The following ZNF444 variants were observed in gnomAD, a reference collection of about 807,000 sequenced individuals.
The protein encoded by ZNF444 is zinc finger protein 444.
ZNF444 carries 8 observed loss-of-function variants against 14.4 expected under a neutral mutation model. That is an observed-to-expected ratio of 0.56 (90% CI 0.33 to 1.00). The LOEUF is 1.00. Ranked by LOEUF, ZNF444 falls within the 50% of genes least tolerant of loss-of-function variation. The pLI, the probability that ZNF444 is intolerant of heterozygous loss-of-function variation, is 0.03. For synonymous variants in ZNF444, 258 were observed against 235.9 expected (o/e 1.09, Z -0.86); for missense variants, 510 against 504.8 (o/e 1.01, Z -0.10).
chr19:56,158,554 G>T lies in ZNF444; in HGVS notation c.358G>T (p.Gly120Cys). 6.2e-7 allele frequency: 1 copy of T among 1,611,952 alleles called. No individual in the cohort carries two copies. Among genetic ancestry groups the T allele is most frequent in the Non-Finnish European group, 8.5e-7 (1 of 1,179,000 alleles). Residue 120 changes from glycine to cysteine, a missense_variant, in exon 4 of 5, where the codon GGC becomes TGC. By Grantham distance (159) the Gly-to-Cys change is radical (BLOSUM62 -3). Coordinates refer to ENST00000337080, the MANE Select transcript of ZNF444 (RefSeq NM_018337.4). ...GAGGGTGCCTCAGGATGTGACGCAG[G>T]GCCCTGGGGCCACAGGTGGAAAGGA... The part of the protein sequence containing the change: ...ATRVPQDVTQ[G>C]PGATGGKEDS...
upstream of ZNF444, among the ~76,000 whole-genome samples, chr19:56,137,993 G>A (rs1013964857): frequency 6.6e-6 from 1 of 151,846 alleles, no homozygotes; most frequent in Non-Finnish European, 1.5e-5. Flanking sequence ...GTGTGGTGGC[G>A]GGCGCCTGTA....
chr19:56,140,879 T>A (rs1056268040), upstream of ZNF444: 4 of 152,148 alleles, frequency 2.6e-5, no homozygotes, highest in Admixed American at 2.0e-4. Context: ...CTCCTCCTCC[T>A]CCTCCCTCTT....
At chr19:56,133,681 C>T (rs1353705143) in intron 1 of ZNF444, among the ~76,000 whole-genome samples, 1 of 151,396 alleles carries the variant, frequency 6.6e-6, no homozygotes, top group Non-Finnish European at 1.5e-5. Context: ...GGCGTGGTGG[C>T]GGGCACCTGT....
At chr19:56,146,498 CG>C (rs1568552232) in intron 2 of ZNF444, 78 bp downstream of exon 2, 3 of 160,724 alleles carry the variant, frequency 1.9e-5, no homozygotes, top group South Asian at 3.9e-4. Context: ...CTCAGAAGCG[CG>C]GGTCCCAGGC....
intron 2 of ZNF444, 128 bp from the exon 3 acceptor site, chr19:56,146,762 G>C (rs980923208): frequency 2.6e-6 from 2 of 767,180 alleles, no homozygotes; most frequent in South Asian, 9.4e-5. Context: ...ACTCCAACCT[G>C]GGGGAAAGAG....
chr19:56,145,766 G>A lies in ZNF444; in HGVS notation c.-196-481G>A, dbSNP rs2031142793. Among the ~76,000 whole-genome samples, 1 of 152,180 alleles carries A rather than the reference G, an allele frequency of 6.6e-6. No homozygotes were observed. The highest frequency in any genetic ancestry group is 1.5e-5 in the Non-Finnish European group (1 of 68,032). On this transcript the variant is annotated intron_variant, in intron 1 of 4. Coordinates refer to ENST00000337080, the MANE Select transcript of ZNF444 (RefSeq NM_018337.4). This position sits in a 1 kb window ranked among gnomAD's most constrained non-coding sequence, Gnocchi z 4.3. ...GAAGGGACTGGGACAGGCCGTCATAGCTGTCATAGCGGAGCACCGTGGACT... is the reference window on the plus strand; with the variant it reads ...GAAGGGACTGGGACAGGCCGTCATAACTGTCATAGCGGAGCACCGTGGACT...
At chr19:56,140,613 G>A (rs1281217342), upstream of ZNF444, among the ~76,000 whole-genome samples, 1 of 152,160 alleles carries the variant, frequency 6.6e-6, no homozygotes, top group Non-Finnish European at 1.5e-5. Flanking sequence ...GGAACAGGAG[G>A]GCAGCCTGCT....
chr19:56,147,024 T>A lies in ZNF444; in HGVS notation c.113T>A (p.Leu38Gln). The A allele has an allele frequency of 6.7e-7, 1 of 1,497,146 alleles. No homozygotes were observed. Among genetic ancestry groups the A allele is most frequent in the Admixed American group, 2.5e-5 (1 of 40,732 alleles). 92.7% of individuals were successfully genotyped at this position (1,497,146 alleles called of 1,614,324 possible). The change falls in exon 3 of 5, where the codon CTG becomes CAG. Residue 38 changes from leucine to glutamine, a missense_variant. Physicochemically the swap from Leu to Gln is moderately radical, Grantham distance 113. Transcript: ENST00000337080. The surrounding 1 kb of genome is among the most constrained non-coding windows in gnomAD (Gnocchi z 5.9). ...GACGCGCCGGGCCCGCGGGAGGCGC[T>A]GGGGCTGCTCCGCGCCCTGTGCCGG... The part of the protein sequence containing the change: ...LGDAPGPREA[L>Q]GLLRALCRDW...
chr19:56,159,758 T>C lies in ZNF444; in HGVS notation c.541T>C (p.Cys181Arg). The C allele has an allele frequency of 6.3e-7, 1 of 1,591,512 alleles. No homozygotes were observed. Among genetic ancestry groups the C allele is most frequent in the Non-Finnish European group, 8.5e-7 (1 of 1,172,872 alleles). Residue 181 changes from cysteine (C) to arginine (R), a missense_variant, in exon 5 of 5, where the codon TGC (cysteine) becomes CGC (arginine). Transcript: ENST00000337080. ...CCTAGCGGCCCCGGGCACCACGTCC[T>C]GCCCCGAGTGCGGCAAAACGTCCCT... ...AFLAAPGTTS[C>R]PECGKTSLKP... is the part of the protein sequence containing the mutation.
In ZNF444 at chr19:56,146,966, C is replaced by G. The variant is rs781116038; in HGVS notation, c.55C>G (p.Pro19Ala). The change falls in exon 3 of 5, where the codon CCG becomes GCG. Residue 19 changes from proline (P) to alanine (A), a missense_variant. Pro to Ala is a conservative substitution (Grantham distance 27, BLOSUM62 -1). Transcript: ENST00000337080. Reference sequence around the variant, plus strand: ...GGCCGAGGGCCTGGCGCTGGACTCCCCGTGGCACCGCTTCCGCCGCTTCCA... The same window carrying G: ...GGCCGAGGGCCTGGCGCTGGACTCCGCGTGGCACCGCTTCCGCCGCTTCCA... ...QEAEGLALDSPWHRFRRFHLG... is the reference protein window; with the variant it reads ...QEAEGLALDSAWHRFRRFHLG... 1 of 1,443,616 alleles carries G rather than the reference C, an allele frequency of 6.9e-7. No homozygotes were observed. Among genetic ancestry groups the G allele is most frequent in the South Asian group, 1.4e-5 (1 of 70,044 alleles). The allele number at this position is 1,443,616 out of a possible 1,614,324, so 89.4% of individuals were successfully genotyped here.
upstream of ZNF444, chr19:56,141,122 G>C (rs1396585233): frequency 6.6e-6 from 1 of 151,942 alleles, no homozygotes; most frequent in Non-Finnish European, 1.5e-5. Context: ...CGGTCCCCAG[G>C]CGAGGGCCAA....
At chr19:56,137,556 G>A (rs890883499), upstream of ZNF444, among the ~76,000 whole-genome samples, 1 of 152,224 alleles carries the variant, frequency 6.6e-6, no homozygotes, top group Admixed American at 6.5e-5. Context: ...TCGAGAGCCT[G>A]TGTGAACCCT....
At chr19:56,149,643 A>AC (rs1465784509) in intron 3 of ZNF444, among the ~76,000 whole-genome samples, 2 of 144,504 alleles carry the variant, frequency 1.4e-5, no homozygotes, top group Non-Finnish European at 3.0e-5. Flanking sequence ...CCCTTCCCCC[A>AC]CCCCCCGACA....
At chr19:56,136,819 T>C (rs2030622363), upstream of ZNF444, among the ~76,000 whole-genome samples, 1 of 152,146 alleles carries the variant, frequency 6.6e-6, no homozygotes, top group Non-Finnish European at 1.5e-5. Flanking sequence ...TTCACTCTTG[T>C]TGCCCAGGCT....
At chr19:56,151,949 C>T (rs1568557965) in intron 3 of ZNF444, 1 of 456,354 alleles carries the variant, frequency 2.2e-6, no homozygotes, top group East Asian at 6.9e-5. Flanking sequence ...AGAGTTTTCA[C>T]CGAGACATTG....
chr19:56,141,660 G>GGGAGGA (rs2030824523), intron 1 of ZNF444: 1 of 118,426 alleles, frequency 8.4e-6, no homozygotes, highest in South Asian at 3.7e-4. Flanking sequence ...GAGGGGGAGG[G>GGGAGGA]GCGGGACGGG....
chr19:56,158,747 C>A, intron 4 of ZNF444, 145 bp downstream of exon 4: 1 of 685,196 alleles, frequency 1.5e-6, no homozygotes, highest in Non-Finnish European at 2.4e-6. Context: ...ACCCAAGGGG[C>A]GGGCATTGGG....
intron 3 of ZNF444, chr19:56,157,978 G>C (rs2032012333): frequency 6.6e-6 from 1 of 152,144 alleles, no homozygotes; most frequent in African/African-American, 2.4e-5. Context: ...ACCAAGAAAA[G>C]TTGTTTCTGA....
chr19:56,153,721 G>C (rs181582145), intron 3 of ZNF444, among the ~76,000 whole-genome samples: 1 of 152,308 alleles, frequency 6.6e-6, no homozygotes, highest in Admixed American at 6.5e-5. Flanking sequence ...AAAGCCAGTG[G>C]GGTAGGCCTG....
Sources: allele counts gnomAD v4.1 joint callset (sites outside exome capture counted in the v4.1 genomes callset), GRCh38; gene constraint gnomAD v4.1.1; non-coding constraint Gnocchi (gnomAD v3.1); transcripts MANE v1.5; gene names NCBI Gene and HGNC (gene_info 2026-07-23, HGNC 2026-07-21).